AOX1: variants seen among roughly 807,000 people sequenced by gnomAD.
The protein encoded by AOX1 is aldehyde oxidase 1, also known as aldehyde oxidase.
A neutral mutation model predicts 169.5 loss-of-function variants in AOX1; 153 were observed. The observed-to-expected ratio is 0.90, with a 90% CI of 0.79 to 1.03. AOX1 has a LOEUF of 1.03. Ranked by LOEUF, AOX1 falls within the 50% of genes least tolerant of loss-of-function variation. The probability of loss-of-function intolerance (pLI) is 0.00; values close to 1 mark genes in which losing one functional copy is unlikely to be tolerated. For missense variants in AOX1, 1,656 were observed against 1,663.9 expected (o/e 1.00, Z 0.08); for synonymous variants, 562 against 581.9 (o/e 0.97, Z 0.49).
intron 15 of AOX1, among the ~76,000 whole-genome samples, chr2:200,615,571 G>A (rs774100780): frequency 7.2e-5 from 11 of 152,102 alleles, no homozygotes; most frequent in Non-Finnish European, 1.0e-4. Context: ...TATTTGCAAT[G>A]GTGTACTTTG....
intron 1 of AOX1, among the ~76,000 whole-genome samples, chr2:200,588,019 T>C (rs892107493): frequency 4.6e-5 from 7 of 152,136 alleles, no homozygotes; most frequent in African/African-American, 1.4e-4. Flanking sequence ...GAGCTTACAT[T>C]GTGCTGGGGA....
At chr2:200,623,011 T>C (rs2034917744) in intron 18 of AOX1, among the ~76,000 whole-genome samples, 1 of 152,224 alleles carries the variant, frequency 6.6e-6, no homozygotes, top group South Asian at 2.1e-4. Context: ...GTGTTCATGC[T>C]AGATTTTATG....
At chr2:200,633,685 T>TC (rs1362026970) in intron 20 of AOX1, among the ~76,000 whole-genome samples, 2 of 152,228 alleles carry the variant, frequency 1.3e-5, no homozygotes, top group Non-Finnish European at 2.9e-5. Context: ...AACATCTGTG[T>TC]CATCTCAGTG....
At position 200,604,733 on chromosome 2, in the gene AOX1, T is replaced by A; in HGVS notation, c.707T>A (p.Phe236Tyr). ...AAACAGTCGCAAAGGACCAGGGTGTTTGGCAGTGAGAGAATGATGTGGTTT... is the reference window on the plus strand; with the variant it reads ...AAACAGTCGCAAAGGACCAGGGTGTATGGCAGTGAGAGAATGATGTGGTTT... The part of the protein sequence containing the change: ...AEKQSQRTRV[F>Y]GSERMMWFSP... Residue 236 changes from phenylalanine (F) to tyrosine (Y), a missense_variant, in exon 9 of 35, where the codon TTT (phenylalanine) becomes TAT (tyrosine). Transcript: ENST00000374700. The A allele has an allele frequency of 6.2e-7, 1 of 1,614,070 alleles. No individual in the cohort carries two copies. Among genetic ancestry groups the A allele is most frequent in the Non-Finnish European group, 8.5e-7 (1 of 1,179,996 alleles).
At chr2:200,669,426 G>A in intron 33 of AOX1, 149 bp from the exon 34 acceptor site, 1 of 812,392 alleles carries the variant, frequency 1.2e-6, no homozygotes, top group Non-Finnish European at 1.9e-6. Flanking sequence ...TGTCATGCTT[G>A]GGCAACAGAG....
In AOX1 at chr2:200,620,690, A is replaced by G; in HGVS notation, c.1745A>G (p.His582Arg). The change falls in exon 17 of 35, where the codon CAC (histidine) becomes CGC (arginine). Residue 582 changes from histidine to arginine, a missense_variant. By Grantham distance (29) the His-to-Arg change is conservative. Coordinates refer to ENST00000374700, the MANE Select transcript of AOX1 (RefSeq NM_001159.4). ...PKQHPEDPIGHPIMHLSGVKH... is the reference protein window; with the variant it reads ...PKQHPEDPIGRPIMHLSGVKH... ...CAGCATCCTGAAGACCCAATTGGCC[A>G]CCCCATCATGCATCTGTCTGGTGTG... is the stretch of plus-strand genomic sequence containing the variant. 6 of 1,569,874 alleles carry G rather than the reference A, an allele frequency of 3.8e-6. No individual in the cohort carries two copies. The highest frequency in any genetic ancestry group is 5.1e-6 in the Non-Finnish European group (6 of 1,166,326).
intron 33 of AOX1, 36 bp from the exon 34 acceptor site, chr2:200,669,539 G>C: frequency 6.2e-7 from 1 of 1,609,358 alleles, no homozygotes; most frequent in African/African-American, 1.3e-5. Context: ...GAGTGAGAGA[G>C]AGAGGTATAA....
chr2:200,656,920 C>A lies in AOX1; in HGVS notation c.3154C>A (p.His1052Asn). The A allele has an allele frequency of 6.3e-7, 1 of 1,577,152 alleles. No individual in the cohort carries two copies. The highest frequency in any genetic ancestry group is 2.3e-5 in the East Asian group (1 of 43,130). The change falls in exon 27 of 35, where the codon CAC becomes AAC. Residue 1052 changes from histidine (H) to asparagine (N), a missense_variant. By Grantham distance (68) the His-to-Asn change is moderately conservative. Coordinates refer to ENST00000374700, the MANE Select transcript of AOX1 (RefSeq NM_001159.4). ...TGGAATTGAAATGGGGCAGGGGGTC[C>A]ACACTAAAATGATTCAGGTAAGAAT... ...HGGIEMGQGV[H>N]TKMIQVVSRE...
chr2:200,606,815 T>G (rs1574915709), intron 10 of AOX1, among the ~76,000 whole-genome samples: 1 of 152,162 alleles, frequency 6.6e-6, no homozygotes, highest in Non-Finnish European at 1.5e-5. Context: ...ATGCTTGTGA[T>G]TTTTGCACAT....
chr2:200,600,045 A>G (rs114990823), intron 5 of AOX1, among the ~76,000 whole-genome samples: 7 of 152,338 alleles, frequency 4.6e-5, no homozygotes, highest in East Asian at 1.9e-4. Context: ...CAAAAAATTT[A>G]TAAGATAGGT....
chr2:200,600,475 CG>C (rs35245400), intron 5 of AOX1, among the ~76,000 whole-genome samples: 67,803 of 151,414 alleles, frequency 0.45, 15,432 homozygotes, highest in East Asian at 0.73. Context: ...GTGTATGTGG[CG>C]GGGGGGGACA....
At chr2:200,653,040 G>A (rs570286415) in intron 26 of AOX1, among the ~76,000 whole-genome samples, 4 of 152,318 alleles carry the variant, frequency 2.6e-5, no homozygotes, top group African/African-American at 9.6e-5. Context: ...AGGCTTAGAA[G>A]GTTTAAATAA....
Position 200,651,009 on chromosome 2 carries a change from A to C in AOX1, c.2883A>C (p.Gln961His). The C allele has an allele frequency of 6.2e-7, 1 of 1,614,192 alleles. No homozygotes were observed. Residue 961 changes from glutamine (Q) to histidine (H), a missense_variant, in exon 26 of 35, where the codon CAA (glutamine) becomes CAC (histidine). By Grantham distance (24) the Gln-to-His change is conservative (BLOSUM62 0). Transcript: ENST00000374700. ...RIINMYKEID[Q>H]TPYKQEINAK... Reference sequence around the variant, plus strand: ...TAAACATGTACAAGGAAATTGATCAAACACCCTACAAACAAGAGATCAATG... The same window carrying C: ...TAAACATGTACAAGGAAATTGATCACACACCCTACAAACAAGAGATCAATG...
intron 26 of AOX1, among the ~76,000 whole-genome samples, chr2:200,654,206 CAAAAAAAAAAAAAA>C (rs60045401): frequency 0.035 from 2,947 of 84,808 alleles, 132 homozygotes; most frequent in African/African-American, 0.12. Context: ...GACCCTGTCT[CAAAAAAAAAAAAAA>C]AAAAAAAAAA....
At chr2:200,619,482 G>C (rs1235129044) in intron 16 of AOX1, among the ~76,000 whole-genome samples, 1 of 152,150 alleles carries the variant, frequency 6.6e-6, no homozygotes, top group Non-Finnish European at 1.5e-5. Context: ...GGCTTAGCAG[G>C]CCACTCCTCA....
rs997129627 is a variant in AOX1, at chr2:200,670,508, C to A, written c.3967-121C>A. On this transcript the variant is annotated intron_variant, in intron 34 of 34. Transcript: ENST00000374700. ...TCTATACTTCACAGGCTGTTGTTCC[C>A]TGACCTGTCATGGCCCTGGTTGCCC... The A allele has an allele frequency of 3.9e-6, 3 of 768,172 alleles. No individual in the cohort carries two copies. In the African/African-American group the frequency reaches 5.1e-5, roughly 13 times the overall value. 47.6% of individuals were successfully genotyped at this position (768,172 alleles called of 1,614,324 possible). A position where few individuals can be genotyped will look rare whatever the true frequency, so the allele number is the denominator to read the frequency against.
chr2:200,587,234 G>A (rs1353359451), intron 1 of AOX1, among the ~76,000 whole-genome samples: 2 of 152,164 alleles, frequency 1.3e-5, no homozygotes, highest in African/African-American at 4.8e-5. Flanking sequence ...GTTACAGTGA[G>A]CTGTGATCAC....
intron 32 of AOX1, 128 bp from the exon 33 acceptor site, chr2:200,668,487 C>T: frequency 1.2e-6 from 1 of 802,064 alleles, no homozygotes. Context: ...CAACATGCTC[C>T]AAGACACCCT....
intron 32 of AOX1, among the ~76,000 whole-genome samples, chr2:200,667,459 C>T (rs2035943411): frequency 6.8e-6 from 1 of 146,430 alleles, no homozygotes; most frequent in East Asian, 2.1e-4. Flanking sequence ...CCACCCCCCG[C>T]CCCCACCATC....
Sources: gnomAD v4.1 joint callset for allele counts (sites outside exome capture counted in the v4.1 genomes callset) on GRCh38, gnomAD v4.1.1 for gene constraint, MANE v1.5 for transcripts, NCBI Gene and HGNC (gene_info 2026-07-23, HGNC 2026-07-21) for gene names.